Variants in MYO18B observed in about 807,000 individuals in gnomAD.
MYO18B encodes the protein myosin XVIIIB.
MYO18B carries 204 observed loss-of-function variants against 273.0 expected under a neutral mutation model. That is an observed-to-expected ratio of 0.75 (90% confidence interval 0.67 to 0.84). MYO18B has a LOEUF of 0.84. Among genes scored for constraint, MYO18B ranks in the 40% least tolerant of loss-of-function variants. MYO18B has a pLI of 0.00. For missense variants in MYO18B, 3,212 were observed against 3,287.6 expected, an observed-to-expected ratio of 0.98 and a Z score of 0.56; for synonymous variants, 1,330 against 1,305.7, an observed-to-expected ratio of 1.02 and a Z score of -0.40.
At chr22:25,922,214 C>T (rs892517984) in intron 34 of MYO18B, among the ~76,000 whole-genome samples, 1 of 152,150 alleles carries the variant, frequency 6.6e-6, no homozygotes, top group Admixed American at 6.5e-5. Flanking sequence ...GGATTTGAAC[C>T]CAGGTCTTCA....
the MYO18B span, among the ~76,000 whole-genome samples, chr22:26,045,603 T>C: frequency 2.1e-3 from 327 of 152,322 alleles, 1 homozygote; most frequent in African/African-American, 7.0e-3. Context: ...CACTCTGCTC[T>C]GTTAAGTCAT....
At chr22:26,048,469 G>C in the MYO18B span, among the ~76,000 whole-genome samples, 1 of 152,068 alleles carries the variant, frequency 6.6e-6, no homozygotes, top group Admixed American at 6.5e-5. Context: ...TGAGGAACGG[G>C]GGTGGGGTGC....
chr22:25,776,820 G>T (rs1460389530), intron 7 of MYO18B, among the ~76,000 whole-genome samples: 1 of 152,184 alleles, frequency 6.6e-6, no homozygotes. Context: ...TAATGAGTGT[G>T]TATCTCACTG....
chr22:26,042,615 G>C, the MYO18B span, among the ~76,000 whole-genome samples: 1 of 152,206 alleles, frequency 6.6e-6, no homozygotes, highest in African/African-American at 2.4e-5. Context: ...CAGCAAACCA[G>C]AACAGAGATG....
At chr22:25,864,116 G>A (rs2090819464) in intron 21 of MYO18B, among the ~76,000 whole-genome samples, 1 of 152,182 alleles carries the variant, frequency 6.6e-6, no homozygotes, top group South Asian at 2.1e-4. Context: ...AAGCAAAGCT[G>A]TTGTTTTTCA....
At chr22:26,005,679 T>C (rs1039107940) in intron 42 of MYO18B, among the ~76,000 whole-genome samples, 3 of 152,178 alleles carry the variant, frequency 2.0e-5, no homozygotes, top group South Asian at 2.1e-4. Context: ...CTCACAGTTT[T>C]TGTGAACAGA....
At chr22:25,921,703 TGTGTGTGTGTGTGTGTG>T (rs1378401402) in intron 34 of MYO18B, among the ~76,000 whole-genome samples, 6 of 6,234 alleles carry the variant, frequency 9.6e-4, no homozygotes, top group Non-Finnish European at 2.0e-3. Context: ...GTGTGCCTGT[TGTGTGTGTGTGTGTGTG>T]TGTGTGTGTG....
rs138294668 is a variant in MYO18B at position 25,745,503 on chromosome 22, GCA to G, written c.-110+3217_-110+3218del. 4.4e-3 allele frequency among the ~76,000 whole-genome samples: 516 copies of G among 117,090 alleles called. 5 individuals carry two copies. Among genetic ancestry groups the G allele is most frequent in the African/African-American group, 0.014 (498 of 34,616 alleles). 76.8% of individuals were successfully genotyped at this position (117,090 alleles called of 152,430 possible). A position where few individuals can be genotyped will look rare whatever the true frequency, so the allele number is the denominator to read the frequency against. ...CACACACACACACACACACACACAC[GCA>G]CACACATCTCATTCAGTCTGAAGGA... On this transcript the variant is annotated intron_variant, in intron 1 of 43. Coordinates refer to ENST00000335473, the MANE Select transcript of MYO18B (RefSeq NM_032608.7).
At chr22:26,039,917 C>T in the MYO18B span, among the ~76,000 whole-genome samples, 4 of 152,140 alleles carry the variant, frequency 2.6e-5, no homozygotes, top group Admixed American at 6.5e-5. Context: ...CTCGACCTCC[C>T]GGGCTCAGGT....
At chr22:26,054,777 T>C in the MYO18B span, among the ~76,000 whole-genome samples, 1 of 152,154 alleles carries the variant, frequency 6.6e-6, no homozygotes, top group Non-Finnish European at 1.5e-5. Flanking sequence ...TTGGCACCAA[T>C]GTCGATGGGA....
At chr22:26,031,072 A>G (rs866241568), downstream of MYO18B, 3 of 396,894 alleles carry the variant, frequency 7.6e-6, no homozygotes, top group East Asian at 1.1e-4. Flanking sequence ...ATATATATGC[A>G]TCCTACAAAT....
chr22:25,755,944 C>T (rs2086105316), intron 1 of MYO18B, among the ~76,000 whole-genome samples: 1 of 151,808 alleles, frequency 6.6e-6, no homozygotes, highest in South Asian at 2.1e-4. Context: ...GTTGCCCAGG[C>T]TGGAGTGCAG....
In MYO18B at chr22:25,837,564, G is replaced by C. The variant is rs1476484559; in HGVS notation, c.3208+2121G>C. ...TGGAACAGTTTATAAGAAATTGGGA[G>C]AAGAGCCAACCATCCAGTGAGTGAG... On this transcript the variant is annotated intron_variant, in intron 17 of 43. Transcript: ENST00000335473. Among the ~76,000 whole-genome samples, 3 of 152,224 alleles carry C rather than the reference G, an allele frequency of 2.0e-5. No homozygotes were observed. In the East Asian group the frequency reaches 5.8e-4, roughly 29 times the overall value.
chr22:25,966,506 G>A (rs766398485), intron 39 of MYO18B, among the ~76,000 whole-genome samples: 1 of 152,232 alleles, frequency 6.6e-6, no homozygotes, highest in Non-Finnish European at 1.5e-5. Context: ...GCCATGAGCC[G>A]GGTGTAAATA....
chr22:25,997,393 A>C (rs1933405093), intron 40 of MYO18B, among the ~76,000 whole-genome samples: 1 of 151,824 alleles, frequency 6.6e-6, no homozygotes, highest in African/African-American at 2.4e-5. Flanking sequence ...CAAGACAGTA[A>C]CACAAGAGCA....
chr22:25,946,604 G>C (rs1269612947), intron 35 of MYO18B, among the ~76,000 whole-genome samples: 1 of 152,198 alleles, frequency 6.6e-6, no homozygotes, highest in African/African-American at 2.4e-5. Flanking sequence ...TGGGTGCTCA[G>C]TGCTGTGAAT....
chr22:26,013,363 A>G (rs537983383), intron 42 of MYO18B, among the ~76,000 whole-genome samples: 24 of 152,312 alleles, frequency 1.6e-4, no homozygotes, highest in African/African-American at 5.1e-4. Context: ...CCAAAATGGC[A>G]ATTATACCAC....
intron 39 of MYO18B, among the ~76,000 whole-genome samples, chr22:25,988,820 C>G (rs936648709): frequency 1.3e-5 from 2 of 152,134 alleles, no homozygotes; most frequent in African/African-American, 4.8e-5. Context: ...GCTACTGGCC[C>G]CATTTCCCCA....
chr22:26,019,871 G>A (rs1261833258), intron 42 of MYO18B, among the ~76,000 whole-genome samples: 1 of 152,184 alleles, frequency 6.6e-6, no homozygotes, highest in East Asian at 1.9e-4. Context: ...GTTTTGCTGT[G>A]TGATTAAGTC....
Sources: gnomAD v4.1 joint callset for allele counts (sites outside exome capture counted in the v4.1 genomes callset) on GRCh38, gnomAD v4.1.1 for gene constraint, MANE v1.5 for transcripts, NCBI Gene and HGNC (gene_info 2026-07-23, HGNC 2026-07-21) for gene names.